FGFR1OP2: variants seen among roughly 807,000 people sequenced by gnomAD.
FGFR1OP2 encodes fibroblast growth factor receptor 1 oncogene partner 2.
In FGFR1OP2, 17 loss-of-function variants were observed where a neutral mutation model predicts 35.2. The ratio of observed to expected loss-of-function variants is 0.48; its 90% CI spans 0.33 to 0.73. FGFR1OP2 has a LOEUF of 0.73. FGFR1OP2 is among the 30% of genes least tolerant of loss of function. The probability of loss-of-function intolerance (pLI) is 0.02; values close to 1 mark genes in which losing one functional copy is unlikely to be tolerated. For missense variants in FGFR1OP2, 251 were observed against 307.3 expected, an observed-to-expected ratio of 0.82 and a Z score of 1.37; for synonymous variants, 105 against 104.6, an observed-to-expected ratio of 1.00 and a Z score of -0.03.
At chr12:26,952,705 A>G (rs1379096630) in intron 1 of FGFR1OP2, among the ~76,000 whole-genome samples, 1 of 144,728 alleles carries the variant, frequency 6.9e-6, no homozygotes, top group African/African-American at 2.6e-5. Flanking sequence ...TGGAGGGGAT[A>G]ATCATTAATT....
In FGFR1OP2 at chr12:26,960,596, C is replaced by CT; in HGVS notation, c.479dup (p.Glu161GlyfsTer11). ...CATCCTTGAAGCACCTCAACATGGACTGGAGAGAAGGCACTTGGAAGCAAA... is the reference window on the plus strand; with the variant it reads ...CATCCTTGAAGCACCTCAACATGGACTTGGAGAGAAGGCACTTGGAAGCAAA... On this transcript the variant is annotated frameshift_variant, in exon 5 of 7. Coordinates refer to ENST00000229395, the MANE Select transcript of FGFR1OP2 (RefSeq NM_015633.3). LOFTEE classifies it high-confidence loss of function. 6.2e-7 allele frequency: 1 copy of CT among 1,613,304 alleles called. No individual in the cohort carries two copies. Among genetic ancestry groups the CT allele is most frequent in the African/African-American group, 1.3e-5 (1 of 74,992 alleles).
intron 1 of FGFR1OP2, among the ~76,000 whole-genome samples, chr12:26,952,521 T>C (rs1195184702): frequency 2.0e-5 from 3 of 152,192 alleles, no homozygotes; most frequent in African/African-American, 7.2e-5. Context: ...CTTGTTTACT[T>C]CTTAAGGCTC....
chr12:26,949,400 G>A (rs1938880518), intron 1 of FGFR1OP2, among the ~76,000 whole-genome samples: 1 of 151,956 alleles, frequency 6.6e-6, no homozygotes, highest in South Asian at 2.1e-4. Flanking sequence ...CCAAAGTGCT[G>A]GGATTACAGG....
chr12:26,948,404 A>G (rs946508081), intron 1 of FGFR1OP2, among the ~76,000 whole-genome samples: 5 of 152,062 alleles, frequency 3.3e-5, no homozygotes, highest in Non-Finnish European at 7.4e-5. Flanking sequence ...TATGAAACAT[A>G]TTTTTGCTGG....
chr12:26,960,553 C>T lies in FGFR1OP2; in HGVS notation c.435C>T (p.Phe145=), dbSNP rs371371509. 25 of 1,613,366 alleles carry T rather than the reference C, an allele frequency of 1.5e-5. No individual in the cohort carries two copies. Among genetic ancestry groups the T allele is most frequent in the Non-Finnish European group, 2.0e-5 (24 of 1,179,656 alleles). The change falls in exon 5 of 7, where the codon TTC becomes TTT. Residue 145 remains phenylalanine (F), a synonymous_variant. Coordinates refer to ENST00000229395, the MANE Select transcript of FGFR1OP2 (RefSeq NM_015633.3). The stretch of plus-strand genomic sequence containing the variant: ...ATCGTAACAAGTCCGAAGGATTCTT[C>T]CTTGATGCATCTCGACACATCCTTG... ...MVHRNKSEGF[F]LDASRHILEA...
chr12:26,960,572 A>ATGTG lies in FGFR1OP2; in HGVS notation c.455_456insGTGT (p.Ile152MetfsTer4). 1 of 1,613,634 alleles carries ATGTG rather than the reference A, an allele frequency of 6.2e-7. No homozygotes were observed. Among genetic ancestry groups the ATGTG allele is most frequent in the Non-Finnish European group, 8.5e-7 (1 of 1,179,752 alleles). On this transcript the variant is annotated frameshift_variant, in exon 5 of 7. Transcript: ENST00000229395. LOFTEE classifies it high-confidence loss of function. ...ATTCTTCCTTGATGCATCTCGACACATCCTTGAAGCACCTCAACATGGACT... is the reference window on the plus strand; with the variant it reads ...ATTCTTCCTTGATGCATCTCGACACATGTGTCCTTGAAGCACCTCAACATGGACT...
chr12:26,960,598 G>A lies in FGFR1OP2; in HGVS notation c.480G>A (p.Leu160=), dbSNP rs764249447. 2 of 1,613,268 alleles carry A rather than the reference G, an allele frequency of 1.2e-6. No homozygotes were observed. The highest frequency in any genetic ancestry group is 1.7e-6 in the Non-Finnish European group (2 of 1,179,562). ...RHILEAPQHG[L]ERRHLEANQN... is the part of the protein sequence containing the mutation. ...TCCTTGAAGCACCTCAACATGGACT[G>A]GAGAGAAGGCACTTGGAAGCAAATC... Residue 160 remains leucine, a synonymous_variant, in exon 5 of 7, where the codon CTG becomes CTA. Coordinates refer to ENST00000229395, the MANE Select transcript of FGFR1OP2 (RefSeq NM_015633.3).
At position 26,960,498 on chromosome 12, in the gene FGFR1OP2, A is replaced by G. The variant is rs1939087474; in HGVS notation, c.397-17A>G. 3 of 1,569,204 alleles carry G rather than the reference A, an allele frequency of 1.9e-6. No individual in the cohort carries two copies. The highest frequency in any genetic ancestry group is 1.1e-5 in the South Asian group (1 of 88,668). ...GGATGATATCCGTATTAACATTATAATGACTCTATACTACAGATTGACATG... is the reference window on the plus strand; with the variant it reads ...GGATGATATCCGTATTAACATTATAGTGACTCTATACTACAGATTGACATG... On this transcript the variant is annotated splice_polypyrimidine_tract_variant and intron_variant, in intron 4 of 6. Coordinates refer to ENST00000229395, the MANE Select transcript of FGFR1OP2 (RefSeq NM_015633.3).
At chr12:26,951,336 G>A (rs943602272) in intron 1 of FGFR1OP2, among the ~76,000 whole-genome samples, 1 of 151,474 alleles carries the variant, frequency 6.6e-6, no homozygotes. Flanking sequence ...TATTTATTTA[G>A]TTAGTTATTG....
At chr12:26,943,653 C>T (rs534422861) in intron 1 of FGFR1OP2, among the ~76,000 whole-genome samples, 1 of 152,144 alleles carries the variant, frequency 6.6e-6, no homozygotes, top group African/African-American at 2.4e-5. Flanking sequence ...GACGAAACCC[C>T]ATCTCTACTA....
intron 1 of FGFR1OP2, among the ~76,000 whole-genome samples, chr12:26,950,092 C>A (rs534925545): frequency 6.6e-6 from 1 of 151,986 alleles, no homozygotes; most frequent in East Asian, 1.9e-4. Context: ...GTCAAAGCAT[C>A]CCGCTTATAG....
At chr12:26,945,353 A>G (rs1938803172) in intron 1 of FGFR1OP2, among the ~76,000 whole-genome samples, 1 of 152,206 alleles carries the variant, frequency 6.6e-6, no homozygotes, top group Non-Finnish European at 1.5e-5. Context: ...TTAATGCTAT[A>G]AATTTGCTTC....
At chr12:26,942,649 A>G (rs932348016) in intron 1 of FGFR1OP2, among the ~76,000 whole-genome samples, 2 of 152,244 alleles carry the variant, frequency 1.3e-5, no homozygotes, top group Admixed American at 6.5e-5. Flanking sequence ...TGATGCAGAA[A>G]TAGATAGTCA....
chr12:26,946,376 T>C (rs1471007438), intron 1 of FGFR1OP2, among the ~76,000 whole-genome samples: 1 of 152,210 alleles, frequency 6.6e-6, no homozygotes, highest in Non-Finnish European at 1.5e-5. Context: ...AGTGGCGTGA[T>C]TGTGGCTCAC....
intron 4 of FGFR1OP2, among the ~76,000 whole-genome samples, chr12:26,959,108 C>G (rs910334987): frequency 6.6e-6 from 1 of 151,972 alleles, no homozygotes; most frequent in Non-Finnish European, 1.5e-5. Context: ...TCAAATAGCT[C>G]TTTATATGCC....
chr12:26,946,185 A>G (rs964413466), intron 1 of FGFR1OP2, among the ~76,000 whole-genome samples: 6 of 152,124 alleles, frequency 3.9e-5, no homozygotes, highest in Non-Finnish European at 7.4e-5. Context: ...TTGTATTTTG[A>G]AGCTCTTTAA....
chr12:26,955,114 G>A (rs1468042090), intron 2 of FGFR1OP2, among the ~76,000 whole-genome samples: 1 of 152,178 alleles, frequency 6.6e-6, no homozygotes, highest in African/African-American at 2.4e-5. Context: ...CTAACCAACT[G>A]TCCAGCTAGA....
At chr12:26,942,764 A>G (rs1020694724) in intron 1 of FGFR1OP2, among the ~76,000 whole-genome samples, 1 of 152,104 alleles carries the variant, frequency 6.6e-6, no homozygotes, top group Non-Finnish European at 1.5e-5. Context: ...TTTTTGGTTC[A>G]CTAGTAAAGT....
chr12:26,960,417 A>G, intron 4 of FGFR1OP2, 98 bp from the exon 5 acceptor site: 1 of 707,864 alleles, frequency 1.4e-6, no homozygotes, highest in Non-Finnish European at 2.1e-6. Context: ...AAAAGCAAAC[A>G]TTTCAAACAG....
Sources: allele counts gnomAD v4.1 joint callset (sites outside exome capture counted in the v4.1 genomes callset), GRCh38; gene constraint gnomAD v4.1.1; transcripts MANE v1.5; gene names NCBI Gene and HGNC (gene_info 2026-07-23, HGNC 2026-07-21).